ANKRD12: variants seen among roughly 807,000 people sequenced by gnomAD.
The protein encoded by ANKRD12 is ankyrin repeat domain 12.
ANKRD12 carries 85 observed loss-of-function variants against 183.4 expected under a neutral mutation model. The ratio of observed to expected loss-of-function variants is 0.46; its 90% CI spans 0.39 to 0.56. The LOEUF (loss-of-function observed/expected upper bound fraction) is 0.56, where lower values mean the gene tolerates loss of function less well. ANKRD12 is among the 20% of genes least tolerant of loss of function. ANKRD12 has a pLI of 0.00. For missense variants in ANKRD12, 2,405 were observed against 2,357.1 expected (o/e 1.02, Z -0.42); for synonymous variants, 914 against 800.2 (o/e 1.14, Z -2.40).
intron 1 of ANKRD12, among the ~76,000 whole-genome samples, chr18:9,175,860 C>T (rs2033224166): frequency 6.6e-6 from 1 of 152,060 alleles, no homozygotes; most frequent in Admixed American, 6.6e-5. Context: ...CAGCCTCATC[C>T]TATAGGTGAT....
At chr18:9,204,203 T>C (rs956802593) in intron 3 of ANKRD12, among the ~76,000 whole-genome samples, 1 of 152,230 alleles carries the variant, frequency 6.6e-6, no homozygotes, top group Non-Finnish European at 1.5e-5. Context: ...AAAAAGATAG[T>C]GTGTTTTAAT....
At position 9,275,649 on chromosome 18, in the gene ANKRD12, T is replaced by C. The variant is rs1382029842; in HGVS notation, c.5889T>C (p.Asn1963=). Residue 1963 remains asparagine, a synonymous_variant, in exon 11 of 13, where the codon AAT becomes AAC. Transcript: ENST00000262126. The part of the protein sequence containing the change: ...CTVLLDAEVY[N]VPLDSQSDDS... ...TTTTGCTGGATGCCGAAGTATACAA[T>C]GTACCATTGGACTCTCAGGTAAAAT... is the stretch of plus-strand genomic sequence containing the variant. 3 of 1,592,778 alleles carry C rather than the reference T, an allele frequency of 1.9e-6. No individual in the cohort carries two copies. The highest frequency in any genetic ancestry group is 2.6e-6 in the Non-Finnish European group (3 of 1,164,956).
chr18:9,199,106 A>G (rs569721601), intron 3 of ANKRD12, among the ~76,000 whole-genome samples: 67 of 152,252 alleles, frequency 4.4e-4, no homozygotes, highest in Admixed American at 2.0e-3. Context: ...CAGATTGGCC[A>G]GCAGAGTGAG....
intron 1 of ANKRD12, among the ~76,000 whole-genome samples, chr18:9,161,347 A>G (rs549238334): frequency 4.8e-4 from 72 of 150,390 alleles, no homozygotes; most frequent in Admixed American, 1.1e-3. Flanking sequence ...TTTTTTCTCT[A>G]TTTCTGTTTT....
chr18:9,159,637 C>T (rs976186266), intron 1 of ANKRD12, among the ~76,000 whole-genome samples: 2 of 148,688 alleles, frequency 1.3e-5, no homozygotes, highest in Non-Finnish European at 3.0e-5. Flanking sequence ...GACAGGGTTT[C>T]GCCGTGTTAG....
intron 1 of ANKRD12, among the ~76,000 whole-genome samples, chr18:9,144,669 C>T (rs187702652): frequency 9.2e-5 from 14 of 152,152 alleles, no homozygotes; most frequent in African/African-American, 2.7e-4. Context: ...AAAATCTTAA[C>T]GAGGTTTATC....
intron 1 of ANKRD12, among the ~76,000 whole-genome samples, chr18:9,169,941 G>A (rs1268645122): frequency 1.3e-5 from 2 of 152,172 alleles, no homozygotes; most frequent in Non-Finnish European, 1.5e-5. Context: ...TTGCTTGTCT[G>A]TAAAGTATTT....
intron 7 of ANKRD12, among the ~76,000 whole-genome samples, chr18:9,219,884 C>A (rs1270606535): frequency 6.6e-6 from 1 of 152,166 alleles, no homozygotes; most frequent in East Asian, 1.9e-4. Context: ...TCTTACACAG[C>A]CCAGTAATTG....
Position 9,153,542 on chromosome 18 carries a change from A to G in ANKRD12, c.-52+16577A>G, listed in dbSNP as rs143300784. Among the ~76,000 whole-genome samples, 510 of 152,286 alleles carry G rather than the reference A, an allele frequency of 3.3e-3. 2 individuals are homozygous for G. The highest frequency in any genetic ancestry group is 0.011 in the African/African-American group (448 of 41,560). ...CAAATATTGAATTTGTCAGGAGCCT[A>G]CTGTGTGTCCCAGGATGTATTCCAG... On this transcript the variant is annotated intron_variant, in intron 1 of 12. Coordinates refer to ENST00000262126, the MANE Select transcript of ANKRD12 (RefSeq NM_015208.5).
At chr18:9,164,026 T>TCTTGCCTGATTACC (rs1293084066) in intron 1 of ANKRD12, among the ~76,000 whole-genome samples, 5 of 152,202 alleles carry the variant, frequency 3.3e-5, no homozygotes, top group South Asian at 2.1e-4. Flanking sequence ...TATTTCTTTC[T>TCTTGCCTGATTACC]CTTGCCTGAT....
Position 9,182,599 on chromosome 18 carries a change from G to A in ANKRD12, c.87+80G>A, listed in dbSNP as rs138905967. On this transcript the variant is annotated intron_variant, in intron 2 of 12. Transcript: ENST00000262126. ...AATTAAGTATTTTTAGTGATTTCTC[G>A]TAAGATAAAAACCAATATGGATGCC... 595 of 966,098 alleles carry A rather than the reference G, an allele frequency of 6.2e-4. 4 individuals carry two copies. In the African/African-American group the frequency reaches 7.8e-3, roughly 13 times the overall value. 59.8% of individuals were successfully genotyped at this position (966,098 alleles called of 1,614,324 possible). A position where few individuals can be genotyped will look rare whatever the true frequency, so the allele number is the denominator to read the frequency against.
intron 1 of ANKRD12, among the ~76,000 whole-genome samples, chr18:9,180,285 A>C (rs1266119517): frequency 6.6e-6 from 1 of 152,114 alleles, no homozygotes; most frequent in Non-Finnish European, 1.5e-5. Context: ...TTTCTTTCTA[A>C]GCACTTGGAA....
At chr18:9,210,065 T>C (rs72937287) in intron 5 of ANKRD12, among the ~76,000 whole-genome samples, 11,226 of 152,116 alleles carry the variant, frequency 0.074, 428 homozygotes, top group African/African-American at 0.084. Context: ...GCAGTTGGTC[T>C]TTTTAAGGGT....
chr18:9,164,719 G>A (rs368413473), intron 1 of ANKRD12, among the ~76,000 whole-genome samples: 15 of 152,182 alleles, frequency 9.9e-5, no homozygotes, highest in African/African-American at 3.1e-4. Flanking sequence ...GAATTTCTTC[G>A]TCTTGAGTTC....
At chr18:9,188,376 C>T (rs1185239593) in intron 2 of ANKRD12, among the ~76,000 whole-genome samples, 1 of 152,166 alleles carries the variant, frequency 6.6e-6, no homozygotes. Context: ...GGAGACACTA[C>T]CTCTGTCTTT....
intron 1 of ANKRD12, among the ~76,000 whole-genome samples, chr18:9,140,558 A>T (rs2143301758): frequency 6.6e-6 from 1 of 152,332 alleles, no homozygotes; most frequent in South Asian, 2.1e-4. Context: ...AGTAATAGTG[A>T]AAGTAATCTT....
intron 1 of ANKRD12, among the ~76,000 whole-genome samples, chr18:9,159,493 G>A (rs887460825): frequency 1.3e-5 from 2 of 150,344 alleles, no homozygotes; most frequent in Admixed American, 6.6e-5. Flanking sequence ...GTGCAGTGGC[G>A]CAATCTCGGC....
chr18:9,270,631 G>A (rs191225233), intron 10 of ANKRD12, among the ~76,000 whole-genome samples: 13 of 152,246 alleles, frequency 8.5e-5, no homozygotes, highest in South Asian at 4.1e-4. Context: ...GGAGGGAGGC[G>A]GGGAGGGATA....
intron 2 of ANKRD12, among the ~76,000 whole-genome samples, chr18:9,187,561 C>T (rs2034172677): frequency 6.6e-6 from 1 of 152,082 alleles, no homozygotes; most frequent in Admixed American, 6.5e-5. Flanking sequence ...TAGAGCATAA[C>T]TTAAGTAATT....
Sources: gnomAD v4.1 joint callset for allele counts (sites outside exome capture counted in the v4.1 genomes callset) on GRCh38, gnomAD v4.1.1 for gene constraint, MANE v1.5 for transcripts, NCBI Gene and HGNC (gene_info 2026-07-23, HGNC 2026-07-21) for gene names.